Variants in CSMD1 observed in about 807,000 individuals in gnomAD.
The protein encoded by CSMD1 is CUB and Sushi multiple domains 1.
A neutral mutation model predicts 417.5 loss-of-function variants in CSMD1; 213 were observed. The ratio of observed to expected loss-of-function variants is 0.51; its 90% CI spans 0.46 to 0.57. The LOEUF is 0.57. CSMD1 is among the 20% of genes least tolerant of loss of function. The pLI is 0.00. For missense variants in CSMD1, 6,923 were observed against 4,529.7 expected (o/e 1.53, Z -15.17); for synonymous variants, 2,862 against 1,736.8 (o/e 1.65, Z -16.11).
intron 2 of CSMD1, among the ~76,000 whole-genome samples, chr8:4,528,471 T>A (rs1585206549): frequency 6.6e-6 from 1 of 152,170 alleles, no homozygotes; most frequent in Non-Finnish European, 1.5e-5. Flanking sequence ...AAAATGAGAA[T>A]CATGTAAGAC....
At chr8:4,456,626 T>A (rs573270872) in intron 2 of CSMD1, among the ~76,000 whole-genome samples, 170 of 152,188 alleles carry the variant, frequency 1.1e-3, no homozygotes, top group African/African-American at 4.0e-3. Context: ...ATATTAAACA[T>A]ATTTAATCAT....
chr8:4,203,953 T>C (rs1167766199), intron 3 of CSMD1, among the ~76,000 whole-genome samples: 1 of 151,906 alleles, frequency 6.6e-6, no homozygotes, highest in South Asian at 2.1e-4. Context: ...ATACAAAAAT[T>C]AGCCAGGTGT....
At chr8:3,395,817 T>A (rs1039412541) in intron 17 of CSMD1, among the ~76,000 whole-genome samples, 2 of 152,138 alleles carry the variant, frequency 1.3e-5, no homozygotes, top group Admixed American at 6.6e-5. Flanking sequence ...CAAGGATCCT[T>A]TTCTCCATTG....
chr8:3,664,691 G>C (rs935799816), intron 7 of CSMD1, among the ~76,000 whole-genome samples: 1 of 152,234 alleles, frequency 6.6e-6, no homozygotes, highest in Non-Finnish European at 1.5e-5. Context: ...GCTGAAAAGA[G>C]CTGGCCCATC....
intron 4 of CSMD1, among the ~76,000 whole-genome samples, chr8:4,002,521 C>A (rs538871869): frequency 3.3e-5 from 5 of 152,098 alleles, no homozygotes; most frequent in Non-Finnish European, 7.4e-5. Flanking sequence ...ACAGAGGAAA[C>A]AGTTTTCAAA....
chr8:3,365,349 G>C (rs1449024288), intron 20 of CSMD1, among the ~76,000 whole-genome samples: 1 of 152,168 alleles, frequency 6.6e-6, no homozygotes, highest in Non-Finnish European at 1.5e-5. Context: ...GGAGTATAAA[G>C]TAGTTCAGAG....
intron 10 of CSMD1, among the ~76,000 whole-genome samples, chr8:3,570,901 A>C (rs1431832385): frequency 2.0e-5 from 3 of 152,226 alleles, no homozygotes; most frequent in Non-Finnish European, 2.9e-5. Flanking sequence ...GCTTCTTTTT[A>C]GATAGAATTT....
chr8:3,236,106 G>C (rs188834476), intron 26 of CSMD1, among the ~76,000 whole-genome samples: 90 of 151,860 alleles, frequency 5.9e-4, no homozygotes, highest in Non-Finnish European at 7.9e-4. Context: ...TTTTAGTAGA[G>C]ACAGGGTTTC....
At chr8:4,691,601 C>G (rs1563151534) in intron 1 of CSMD1, among the ~76,000 whole-genome samples, 1 of 152,150 alleles carries the variant, frequency 6.6e-6, no homozygotes. Flanking sequence ...CTTCCAGGAA[C>G]TGTGGCAAAA....
chr8:3,594,072 C>A (rs539940874), intron 8 of CSMD1, among the ~76,000 whole-genome samples: 1 of 152,158 alleles, frequency 6.6e-6, no homozygotes, highest in African/African-American at 2.4e-5. Context: ...CCAACCAGAA[C>A]ACCTCCAATA....
intron 3 of CSMD1, among the ~76,000 whole-genome samples, chr8:4,105,857 C>T (rs928269919): frequency 1.2e-4 from 19 of 152,310 alleles, no homozygotes; most frequent in Middle Eastern, 3.4e-3. Context: ...CTGAGCTTCC[C>T]GGGACAACAG....
At chr8:3,244,032 C>A (rs1490789382) in intron 26 of CSMD1, among the ~76,000 whole-genome samples, 2 of 152,130 alleles carry the variant, frequency 1.3e-5, no homozygotes, top group Non-Finnish European at 2.9e-5. Flanking sequence ...TAAAATGCTT[C>A]TCACATCTGT....
At chr8:4,271,992 C>T (rs761847284) in intron 3 of CSMD1, among the ~76,000 whole-genome samples, 1 of 152,156 alleles carries the variant, frequency 6.6e-6, no homozygotes, top group Non-Finnish European at 1.5e-5. Flanking sequence ...ATGGATTTCA[C>T]ATCCCCGTGA....
intron 1 of CSMD1, among the ~76,000 whole-genome samples, chr8:4,815,417 C>A (rs2407596): frequency 0.3 from 45,165 of 151,864 alleles, 7,684 homozygotes; most frequent in Admixed American, 0.47. Context: ...AGAAAGGAAC[C>A]GGGCTTATTG....
chr8:3,812,209 A>G (rs890765580), intron 5 of CSMD1, among the ~76,000 whole-genome samples: 3 of 152,194 alleles, frequency 2.0e-5, no homozygotes, highest in Admixed American at 6.5e-5. Flanking sequence ...CAAACAATAT[A>G]TCGTTTGTAC....
intron 49 of CSMD1, among the ~76,000 whole-genome samples, chr8:3,083,401 C>A (rs960795193): frequency 6.6e-6 from 1 of 151,102 alleles, no homozygotes; most frequent in Non-Finnish European, 1.5e-5. Context: ...AGAGTGCTTT[C>A]TTCTTTTTAA....
intron 2 of CSMD1, among the ~76,000 whole-genome samples, chr8:4,584,317 T>TC (rs1799593901): frequency 6.6e-6 from 1 of 151,786 alleles, no homozygotes; most frequent in African/African-American, 2.4e-5. Flanking sequence ...CCGTCGCCTA[T>TC]CGCCGAGTAG....
At chr8:4,489,675 A>G (rs1154087) in intron 2 of CSMD1, among the ~76,000 whole-genome samples, 136,691 of 152,246 alleles carry the variant, frequency 0.9, 61,386 homozygotes, top group Middle Eastern at 0.97. Context: ...GTGAGCACCT[A>G]TGTTTGATCT....
chr8:4,698,667 C>G (rs1310911556), intron 1 of CSMD1, among the ~76,000 whole-genome samples: 3 of 147,666 alleles, frequency 2.0e-5, no homozygotes, highest in African/African-American at 7.6e-5. Context: ...GACAGGAAGA[C>G]AGAAGGAAGA....
Sources: gnomAD v4.1 joint callset for allele counts (sites outside exome capture counted in the v4.1 genomes callset) on GRCh38, gnomAD v4.1.1 for gene constraint, MANE v1.5 for transcripts, NCBI Gene and HGNC (gene_info 2026-07-23, HGNC 2026-07-21) for gene names.